The following RAB3IP variants were observed in gnomAD, a reference collection of about 807,000 sequenced individuals.
RAB3IP encodes RAB3A interacting protein, also known as rab-3A-interacting protein.
Under a neutral mutation model 59.1 loss-of-function variants are expected in RAB3IP, and 36 were observed. That is an observed-to-expected ratio of 0.61 (90% confidence interval 0.47 to 0.80). The LOEUF (loss-of-function observed/expected upper bound fraction) is 0.80, where lower values mean the gene tolerates loss of function less well. Among genes scored for constraint, RAB3IP ranks in the 30% least tolerant of loss-of-function variants. RAB3IP has a pLI of 0.00. For synonymous variants in RAB3IP, 207 were observed against 191.2 expected (o/e 1.08, Z -0.68); for missense variants, 511 against 536.0 (o/e 0.95, Z 0.46).
At chr12:69,749,213 G>T (rs954213580) in intron 1 of RAB3IP, among the ~76,000 whole-genome samples, 1 of 152,226 alleles carries the variant, frequency 6.6e-6, no homozygotes, top group African/African-American at 2.4e-5. Context: ...TGTCAGATCA[G>T]CAAGCTGCAT....
intron 8 of RAB3IP, among the ~76,000 whole-genome samples, chr12:69,807,931 C>A (rs992385921): frequency 1.3e-5 from 2 of 152,188 alleles, no homozygotes; most frequent in African/African-American, 4.8e-5. Flanking sequence ...GCGCTCCTCA[C>A]CTCCCAGACG....
intron 3 of RAB3IP, among the ~76,000 whole-genome samples, chr12:69,778,391 G>A (rs1254812593): frequency 3.4e-4 from 31 of 90,552 alleles, no homozygotes; most frequent in Middle Eastern, 6.3e-3. Context: ...TAATTTGATC[G>A]TCTGAAGCCT....
rs1881827710 is a variant in RAB3IP, at chr12:69,822,262, T to G, written c.*6816T>G. 1 of 152,184 alleles carries G rather than the reference T, an allele frequency of 6.6e-6. No individual in the cohort carries two copies. The highest frequency in any genetic ancestry group is 1.5e-5 in the Non-Finnish European group (1 of 68,026). 9.4% of individuals were successfully genotyped at this position (152,184 alleles called of 1,614,324 possible). ...TCCAGCCAGTAACCATTGCTTTGTTTTACATCGCGTGCTTCAGGCTTTACT... is the reference window on the plus strand; with the variant it reads ...TCCAGCCAGTAACCATTGCTTTGTTGTACATCGCGTGCTTCAGGCTTTACT... On this transcript the variant is annotated 3_prime_UTR_variant, in exon 11 of 11. Coordinates refer to ENST00000247833, the MANE Select transcript of RAB3IP (RefSeq NM_022456.5).
chr12:69,770,844 A>C (rs1872991797), intron 3 of RAB3IP, among the ~76,000 whole-genome samples: 1 of 152,188 alleles, frequency 6.6e-6, no homozygotes, highest in African/African-American at 2.4e-5. Context: ...CCATCACCTC[A>C]AATATTTATT....
chr12:69,784,201 A>T (rs184807102), intron 3 of RAB3IP, among the ~76,000 whole-genome samples: 107 of 152,132 alleles, frequency 7.0e-4, no homozygotes, highest in Non-Finnish European at 1.4e-3. Flanking sequence ...AAATGCAAAT[A>T]TGCATCATTT....
chr12:69,792,397 C>G (rs1214546668), intron 4 of RAB3IP, among the ~76,000 whole-genome samples: 3 of 152,064 alleles, frequency 2.0e-5, no homozygotes, highest in African/African-American at 7.2e-5. Flanking sequence ...TTAAAACAGC[C>G]ACACTAATTT....
intron 7 of RAB3IP, 85 bp downstream of exon 7, chr12:69,800,422 C>T (rs1878196772): frequency 2.6e-6 from 2 of 755,190 alleles, no homozygotes; most frequent in Non-Finnish European, 1.9e-6. Flanking sequence ...ATTTTAATAT[C>T]TCTTACATAA....
At chr12:69,786,475 T>TA (rs1051435525) in intron 4 of RAB3IP, among the ~76,000 whole-genome samples, 3 of 152,156 alleles carry the variant, frequency 2.0e-5, no homozygotes, top group African/African-American at 7.2e-5. Flanking sequence ...AGTGGAAAGT[T>TA]AAAGAGCTAG....
intron 1 of RAB3IP, among the ~76,000 whole-genome samples, chr12:69,747,764 G>C (rs1028876257): frequency 5.9e-5 from 9 of 152,156 alleles, no homozygotes; most frequent in Admixed American, 2.0e-4. Context: ...TAGTAGACAA[G>C]TACATTCCTT....
intron 3 of RAB3IP, among the ~76,000 whole-genome samples, chr12:69,769,640 G>A (rs909506512): frequency 3.3e-5 from 5 of 152,192 alleles, no homozygotes; most frequent in Admixed American, 3.3e-4. Context: ...TCATGGGGAA[G>A]CAGAAAACCA....
chr12:69,782,133 A>G (rs1246896803), intron 3 of RAB3IP, among the ~76,000 whole-genome samples: 2 of 152,102 alleles, frequency 1.3e-5, no homozygotes, highest in African/African-American at 4.8e-5. Context: ...TGGCCATTCT[A>G]GTAGGTATGC....
intron 1 of RAB3IP, among the ~76,000 whole-genome samples, chr12:69,741,241 A>T (rs897194263): frequency 1.3e-5 from 2 of 152,122 alleles, no homozygotes. Context: ...CATTCCCGGG[A>T]TATAGGTGGT....
At chr12:69,748,811 G>T (rs1035593143) in intron 1 of RAB3IP, among the ~76,000 whole-genome samples, 1 of 152,118 alleles carries the variant, frequency 6.6e-6, no homozygotes, top group African/African-American at 2.4e-5. Context: ...TTATAAAGAC[G>T]TATGTGAAAT....
At chr12:69,815,034 C>T (rs1465505596) in intron 10 of RAB3IP, among the ~76,000 whole-genome samples, 2 of 152,082 alleles carry the variant, frequency 1.3e-5, no homozygotes, top group African/African-American at 4.8e-5. Context: ...GAGAATAGCT[C>T]GAATAATTGA....
intron 6 of RAB3IP, chr12:69,795,769 AG>A (rs946592117): frequency 9.5e-6 from 2 of 211,034 alleles, no homozygotes; most frequent in African/African-American, 2.3e-5. Context: ...TATGTCAGCA[AG>A]GGAGTCCTAG....
At chr12:69,787,417 G>T (rs1875863316) in intron 4 of RAB3IP, among the ~76,000 whole-genome samples, 1 of 152,212 alleles carries the variant, frequency 6.6e-6, no homozygotes, top group East Asian at 1.9e-4. Flanking sequence ...GATATGTCTA[G>T]TTTTCTCCCA....
intron 6 of RAB3IP, 35 bp from the exon 7 acceptor site, chr12:69,800,174 A>G (rs1878153412): frequency 3.4e-6 from 5 of 1,471,568 alleles, no homozygotes; most frequent in Non-Finnish European, 4.5e-6. Context: ...TATACGTTTT[A>G]AAACATGTTT....
chr12:69,808,058 T>G (rs1879765885), intron 8 of RAB3IP, among the ~76,000 whole-genome samples: 1 of 152,232 alleles, frequency 6.6e-6, no homozygotes, highest in Admixed American at 6.5e-5. Flanking sequence ...ACACACTGCT[T>G]TGAATGCGTC....
At chr12:69,811,671 C>G (rs1296831215) in intron 8 of RAB3IP, among the ~76,000 whole-genome samples, 1 of 152,070 alleles carries the variant, frequency 6.6e-6, no homozygotes, top group Non-Finnish European at 1.5e-5. Context: ...AATATTGTTA[C>G]AGATCATTAA....
Sources: allele counts gnomAD v4.1 joint callset (sites outside exome capture counted in the v4.1 genomes callset), GRCh38; gene constraint gnomAD v4.1.1; transcripts MANE v1.5; gene names NCBI Gene and HGNC (gene_info 2026-07-23, HGNC 2026-07-21).